CCDC144A: variants seen among roughly 807,000 people sequenced by gnomAD.
CCDC144A encodes the protein coiled-coil domain containing 144A, also known as coiled-coil domain-containing protein 144A.
A neutral mutation model predicts 143.8 loss-of-function variants in CCDC144A; 41 were observed. The observed-to-expected ratio is 0.29, with a 90% CI of 0.22 to 0.37. The LOEUF is 0.37. Among genes scored for constraint, CCDC144A ranks in the 10% least tolerant of loss-of-function variants. The probability of loss-of-function intolerance (pLI) is 1.00; values close to 1 mark genes in which losing one functional copy is unlikely to be tolerated. For missense variants in CCDC144A, 637 were observed against 1,488.8 expected (o/e 0.43, Z 9.41); for synonymous variants, 242 against 517.9 (o/e 0.47, Z 7.23).
upstream of CCDC144A, among the ~76,000 whole-genome samples, chr17:16,685,806 T>A (rs1910756517): frequency 6.6e-6 from 1 of 152,116 alleles, no homozygotes; most frequent in South Asian, 2.1e-4. Flanking sequence ...AGTTTCATTC[T>A]TATTGCCCAG....
At chr17:16,754,063 A>G (rs1914953562) in intron 12 of CCDC144A, among the ~76,000 whole-genome samples, 1 of 152,152 alleles carries the variant, frequency 6.6e-6, no homozygotes, top group African/African-American at 2.4e-5. Context: ...CTTGCTGGTT[A>G]TGCACTTCCA....
intron 2 of CCDC144A, among the ~76,000 whole-genome samples, chr17:16,697,269 T>C (rs1245389450): frequency 1.3e-5 from 2 of 152,140 alleles, no homozygotes; most frequent in African/African-American, 4.8e-5. Context: ...AAGCATTTTC[T>C]GTACAGGGCT....
intron 12 of CCDC144A, among the ~76,000 whole-genome samples, chr17:16,747,717 T>G (rs1483533359): frequency 6.6e-6 from 1 of 152,190 alleles, no homozygotes; most frequent in Non-Finnish European, 1.5e-5. Context: ...ACATTCTTGA[T>G]TTGTCTCTCA....
At chr17:16,674,732 T>A in the CCDC144A span, among the ~76,000 whole-genome samples, 1 of 152,092 alleles carries the variant, frequency 6.6e-6, no homozygotes, top group South Asian at 2.1e-4. Context: ...AACTTCTGAT[T>A]TGAATATCAA....
chr17:16,755,685 G>T (rs949046673), intron 12 of CCDC144A, among the ~76,000 whole-genome samples: 7 of 152,190 alleles, frequency 4.6e-5, no homozygotes, highest in African/African-American at 9.7e-5. Context: ...TCAGCCTCCT[G>T]AGTAGCTGGG....
intron 12 of CCDC144A, among the ~76,000 whole-genome samples, chr17:16,742,006 T>C (rs1030960828): frequency 8.6e-5 from 13 of 151,956 alleles, no homozygotes; most frequent in African/African-American, 3.1e-4. Flanking sequence ...GGAGAATGAC[T>C]TGAACCCCGG....
chr17:16,686,432 A>G (rs1910783221), upstream of CCDC144A, among the ~76,000 whole-genome samples: 1 of 152,088 alleles, frequency 6.6e-6, no homozygotes, highest in Non-Finnish European at 1.5e-5. Context: ...TTTATAACTC[A>G]AGGAGTTTCC....
At chr17:16,741,478 C>G (rs1025336883) in intron 12 of CCDC144A, among the ~76,000 whole-genome samples, 4 of 152,170 alleles carry the variant, frequency 2.6e-5, no homozygotes, top group Non-Finnish European at 4.4e-5. Context: ...GAGCAGTCTG[C>G]GGTAGAGAGC....
the CCDC144A span, chr17:16,683,857 C>T: frequency 7.2e-7 from 1 of 1,396,370 alleles, no homozygotes; most frequent in Admixed American, 1.7e-5. Flanking sequence ...ACACGTTTTC[C>T]TACATGGGAG....
At chr17:16,673,566 A>G in the CCDC144A span, among the ~76,000 whole-genome samples, 1 of 151,912 alleles carries the variant, frequency 6.6e-6, no homozygotes, top group Non-Finnish European at 1.5e-5. Context: ...TTGTATTTTT[A>G]GTAGAGACTG....
chr17:16,740,343 C>T (rs902393628), intron 12 of CCDC144A, among the ~76,000 whole-genome samples: 2 of 152,124 alleles, frequency 1.3e-5, no homozygotes, highest in African/African-American at 2.4e-5. Context: ...CCTCCTTTTG[C>T]TTAAATAGAG....
chr17:16,708,893 G>T lies in CCDC144A; in HGVS notation c.836G>T (p.Trp279Leu), dbSNP rs1912211978. ...LPHVQKSEEM[W>L]IEQGKLEWKN... Reference sequence around the variant, plus strand: ...CATGTGCAAAAATCTGAGGAAATGTGGATTGAACAAGGCAAATTAGAGTGG... The same window carrying T: ...CATGTGCAAAAATCTGAGGAAATGTTGATTGAACAAGGCAAATTAGAGTGG... Residue 279 changes from tryptophan (W) to leucine (L), a missense_variant, in exon 5 of 17, where the codon TGG becomes TTG. Physicochemically the swap from Trp to Leu is moderately conservative, Grantham distance 61 (BLOSUM62 -2). Coordinates refer to ENST00000399273, the MANE Select transcript of CCDC144A (RefSeq NM_001382000.1). 1.2e-6 allele frequency: 2 copies of T among 1,611,506 alleles called. No homozygotes were observed. Among genetic ancestry groups the T allele is most frequent in the South Asian group, 1.1e-5 (1 of 90,916 alleles).
At chr17:16,703,017 C>A (rs1243858147) in intron 2 of CCDC144A, among the ~76,000 whole-genome samples, 1 of 152,122 alleles carries the variant, frequency 6.6e-6, no homozygotes, top group Non-Finnish European at 1.5e-5. Context: ...TTTTGATTAT[C>A]AAAAATGAAG....
rs1597578138 is a variant in CCDC144A, at chr17:16,745,666, C to T, written c.3372+10023C>T. On this transcript the variant is annotated intron_variant, in intron 12 of 16. Coordinates refer to ENST00000399273, the MANE Select transcript of CCDC144A (RefSeq NM_001382000.1). ...TCTTCCCTCTTCTCAGGACCAGTCC[C>T]CGAACCTTCTGCCTTGCAGATCCTC... The T allele has an allele frequency of 5.6e-6, 9 of 1,608,064 alleles. No homozygotes were observed. In the East Asian group the frequency reaches 6.7e-5, roughly 12 times the overall value.
At chr17:16,759,840 G>A (rs1468247884) in intron 12 of CCDC144A, among the ~76,000 whole-genome samples, 1 of 152,230 alleles carries the variant, frequency 6.6e-6, no homozygotes, top group Admixed American at 6.5e-5. Context: ...ACAAAATGCA[G>A]TGTCTCAAAA....
chr17:16,745,606 A>G (rs1361304307), intron 12 of CCDC144A: 1 of 1,553,026 alleles, frequency 6.4e-7, no homozygotes, highest in Non-Finnish European at 8.7e-7. Context: ...TCGCTCGTCC[A>G]TGGAGGCCAG....
Position 16,709,569 on chromosome 17 carries a change from T to C in CCDC144A, c.1512T>C (p.Asn504=). The change falls in exon 5 of 17, where the codon AAT becomes AAC. Residue 504 remains asparagine, a synonymous_variant. Coordinates refer to ENST00000399273, the MANE Select transcript of CCDC144A (RefSeq NM_001382000.1). Reference sequence around the variant, plus strand: ...AGCAAGACATGCAAAAGTTTAAGAATGAGGTCAACACATTAGAAGAAGAGT... The same window carrying C: ...AGCAAGACATGCAAAAGTTTAAGAACGAGGTCAACACATTAGAAGAAGAGT... ...ELQQDMQKFK[N]EVNTLEEEFL... is the part of the protein sequence containing the mutation. The C allele has an allele frequency of 6.2e-7, 1 of 1,611,638 alleles. No individual in the cohort carries two copies. Among genetic ancestry groups the C allele is most frequent in the Non-Finnish European group, 8.5e-7 (1 of 1,179,628 alleles).
At chr17:16,682,907 T>G in the CCDC144A span, among the ~76,000 whole-genome samples, 2 of 124,270 alleles carry the variant, frequency 1.6e-5, no homozygotes, top group Admixed American at 8.2e-5. Flanking sequence ...TTTTTTTTTT[T>G]TTTTTTTTTT....
chr17:16,746,771 CGCGCG>C (rs1165295096), intron 12 of CCDC144A: 1 of 1,596,360 alleles, frequency 6.3e-7, no homozygotes, highest in Non-Finnish European at 8.5e-7. Context: ...CTGCGGGGAG[CGCGCG>C]GCCGTTCCCA....
Sources: allele counts gnomAD v4.1 joint callset (sites outside exome capture counted in the v4.1 genomes callset), GRCh38; gene constraint gnomAD v4.1.1; transcripts MANE v1.5; gene names NCBI Gene and HGNC (gene_info 2026-07-23, HGNC 2026-07-21).